The following IL34 variants were observed in gnomAD, a reference collection of about 807,000 sequenced individuals.
The protein encoded by IL34 is interleukin 34.
Under a neutral mutation model 25.3 loss-of-function variants are expected in IL34, and 17 were observed. The ratio of observed to expected loss-of-function variants is 0.67; its 90% CI spans 0.46 to 1.01. IL34 has a LOEUF of 1.01. Ranked by LOEUF, IL34 falls within the 50% of genes least tolerant of loss-of-function variation. The pLI, the probability that IL34 is intolerant of heterozygous loss-of-function variation, is 0.00. For missense variants in IL34, 368 were observed against 312.9 expected (o/e 1.18, Z -1.33); for synonymous variants, 174 against 140.9 (o/e 1.23, Z -1.66).
At chr16:70,640,396 G>C (rs1012369765) in intron 1 of IL34, among the ~76,000 whole-genome samples, 1 of 152,096 alleles carries the variant, frequency 6.6e-6, no homozygotes, top group African/African-American at 2.4e-5. Flanking sequence ...GGCCGAGGTG[G>C]GTGGATCACA....
Position 70,619,596 on chromosome 16 carries a change from G to A in IL34, c.-400-26952G>A, listed in dbSNP as rs1342805904. On this transcript the variant is annotated intron_variant, in intron 1 of 6. Transcript: ENST00000429149. ...AGGGAAACAGGCCCTTGAAAAGAAG[G>A]TAATGTGGAGTGGGTAGCCTCCGTA... 3.3e-5 allele frequency among the ~76,000 whole-genome samples: 5 copies of A among 151,630 alleles called. No individual in the cohort carries two copies. The East Asian group carries it at 7.7e-4, about 23-fold the overall frequency.
In IL34 at chr16:70,646,815, C is replaced by T; in HGVS notation, c.-133C>T. Reference sequence around the variant, plus strand: ...TGCTCACTCCCGCAGCCCAGCCACTCCTCCAGGGCCAGCCCTTCCCTGACT... The same window carrying T: ...TGCTCACTCCCGCAGCCCAGCCACTTCTCCAGGGCCAGCCCTTCCCTGACT... On this transcript the variant is annotated 5_prime_UTR_variant, in exon 1 of 6. Transcript: ENST00000288098. 1 of 836,580 alleles carries T rather than the reference C, an allele frequency of 1.2e-6. No homozygotes were observed. Among genetic ancestry groups the T allele is most frequent in the Non-Finnish European group, 1.8e-6 (1 of 568,786 alleles). 51.8% of individuals were successfully genotyped at this position (836,580 alleles called of 1,614,324 possible). A position where few individuals can be genotyped will look rare whatever the true frequency, so the allele number is the denominator to read the frequency against.
At chr16:70,597,966 T>C (rs1379224229) in intron 1 of IL34, among the ~76,000 whole-genome samples, 2 of 152,174 alleles carry the variant, frequency 1.3e-5, no homozygotes, top group African/African-American at 4.8e-5. Flanking sequence ...GCCCTCCAAG[T>C]AGCTGGTAGC....
rs1273536976 is a variant in IL34 at position 70,632,092 on chromosome 16, AC to A, written c.-400-14453del. Among the ~76,000 whole-genome samples, 3 of 130,750 alleles carry A rather than the reference AC, an allele frequency of 2.3e-5. No individual in the cohort carries two copies. The East Asian group carries it at 6.8e-4, about 30-fold the overall frequency. The allele number at this position is 130,750 out of a possible 152,430, so 85.8% of individuals were successfully genotyped here. A position where few individuals can be genotyped will look rare whatever the true frequency, so the allele number is the denominator to read the frequency against. ...ACTTCAGCCTGGGTGATAGAGTGAGACCCTGTCTCAAAAAAAAAAAAAAAAA... is the reference window on the plus strand; with the variant it reads ...ACTTCAGCCTGGGTGATAGAGTGAGACCTGTCTCAAAAAAAAAAAAAAAAA... On this transcript the variant is annotated intron_variant, in intron 1 of 6. Coordinates refer to the IL34 transcript ENST00000429149.
chr16:70,592,312 C>A (rs1331386793), intron 1 of IL34, among the ~76,000 whole-genome samples: 1 of 152,094 alleles, frequency 6.6e-6, no homozygotes, highest in Non-Finnish European at 1.5e-5. Flanking sequence ...GTTCTACTCG[C>A]CCTCGTTCTT....
upstream of IL34, among the ~76,000 whole-genome samples, chr16:70,645,303 C>G (rs1468356875): frequency 5.3e-5 from 8 of 152,272 alleles, no homozygotes; most frequent in East Asian, 1.4e-3. Flanking sequence ...CCCTGCCTGC[C>G]TGCTGGGCAC....
intron 4 of IL34, among the ~76,000 whole-genome samples, chr16:70,657,771 C>A (rs950510513): frequency 6.6e-6 from 1 of 152,116 alleles, no homozygotes; most frequent in South Asian, 2.1e-4. Context: ...ACGAAAAACT[C>A]CATCTCAAAA....
At chr16:70,589,202 C>G (rs763072495) in intron 1 of IL34, among the ~76,000 whole-genome samples, 1 of 151,518 alleles carries the variant, frequency 6.6e-6, no homozygotes, top group Non-Finnish European at 1.5e-5. Flanking sequence ...GTCACACACA[C>G]AAAAAATAAT....
chr16:70,642,761 A>G (rs935504011), upstream of IL34, among the ~76,000 whole-genome samples: 1 of 152,224 alleles, frequency 6.6e-6, no homozygotes, highest in African/African-American at 2.4e-5. Context: ...AGTTCATAAC[A>G]TGCTACAAAA....
chr16:70,629,326 G>A (rs896598416), intron 1 of IL34, among the ~76,000 whole-genome samples: 6 of 152,276 alleles, frequency 3.9e-5, no homozygotes, highest in Admixed American at 2.6e-4. Context: ...TTTATCTGAG[G>A]TTGAGGTATT....
At chr16:70,595,930 G>A (rs1039556118) in intron 1 of IL34, among the ~76,000 whole-genome samples, 2 of 151,736 alleles carry the variant, frequency 1.3e-5, no homozygotes, top group Non-Finnish European at 2.9e-5. Flanking sequence ...AGAATTGCTG[G>A]AACTTGGGAG....
At chr16:70,626,346 A>T (rs2051392846) in intron 1 of IL34, among the ~76,000 whole-genome samples, 1 of 152,150 alleles carries the variant, frequency 6.6e-6, no homozygotes, top group Admixed American at 6.6e-5. Context: ...AATCATAGGT[A>T]CCAAAACCTT....
At chr16:70,622,044 T>A (rs1271342058) in intron 1 of IL34, among the ~76,000 whole-genome samples, 1 of 152,034 alleles carries the variant, frequency 6.6e-6, no homozygotes, top group East Asian at 1.9e-4. Flanking sequence ...TGGCTTGGCT[T>A]GGGCTCAGAG....
intron 1 of IL34, among the ~76,000 whole-genome samples, chr16:70,617,969 C>G (rs1452430675): frequency 3.3e-5 from 5 of 151,974 alleles, no homozygotes; most frequent in Admixed American, 3.3e-4. Flanking sequence ...TTATCTGACT[C>G]AGGGCATGTT....
At chr16:70,642,591 C>T (rs929007880), upstream of IL34, among the ~76,000 whole-genome samples, 5 of 152,036 alleles carry the variant, frequency 3.3e-5, no homozygotes, top group African/African-American at 4.8e-5. Context: ...CCACTGAGCC[C>T]GGCCTGATTT....
chr16:70,592,885 C>T (rs2050772571), intron 1 of IL34, among the ~76,000 whole-genome samples: 1 of 152,210 alleles, frequency 6.6e-6, no homozygotes, highest in African/African-American at 2.4e-5. Flanking sequence ...GAACTCCTGA[C>T]TTAATGATCT....
At chr16:70,658,194 A>G (rs964337562) in intron 4 of IL34, among the ~76,000 whole-genome samples, 8 of 152,224 alleles carry the variant, frequency 5.3e-5, no homozygotes, top group Admixed American at 5.2e-4. Context: ...TCCGACGGTG[A>G]AAGGGCTTAG....
At chr16:70,586,107 C>T (rs2050691736) in intron 1 of IL34, among the ~76,000 whole-genome samples, 1 of 152,204 alleles carries the variant, frequency 6.6e-6, no homozygotes, top group East Asian at 1.9e-4. Context: ...GCTGGGATTA[C>T]AGGCATGAGC....
chr16:70,640,253 T>C lies in IL34; in HGVS notation c.-400-6295T>C, dbSNP rs796132194. ...GCCTCCTGGGCTCAAGCAATCATCC[T>C]GCCTTAGCCTTCTGAGTACCTGGGA... is the stretch of plus-strand genomic sequence containing the variant. On this transcript the variant is annotated intron_variant, in intron 1 of 6. Transcript: ENST00000429149. 2.0e-4 allele frequency among the ~76,000 whole-genome samples: 31 copies of C among 152,298 alleles called. 1 individual carries two copies. Among genetic ancestry groups the C allele is most frequent in the African/African-American group, 6.7e-4 (28 of 41,576 alleles).
Sources: allele counts gnomAD v4.1 joint callset (sites outside exome capture counted in the v4.1 genomes callset), GRCh38; gene constraint gnomAD v4.1.1; transcripts MANE v1.5; gene names NCBI Gene and HGNC (gene_info 2026-07-23, HGNC 2026-07-21).